C12orf42: variants seen among roughly 807,000 people sequenced by gnomAD.
C12orf42 encodes the protein uncharacterized protein C12orf42.
Under a neutral mutation model 21.6 loss-of-function variants are expected in C12orf42, and 25 were observed. That is an observed-to-expected ratio of 1.16 (90% CI 0.84 to 1.62). The LOEUF (loss-of-function observed/expected upper bound fraction) is 1.62. C12orf42 is among the 40% of genes most tolerant of loss of function. The probability of loss-of-function intolerance (pLI) is 0.00; values close to 1 mark genes in which losing one functional copy is unlikely to be tolerated. For missense variants in C12orf42, 483 were observed against 459.3 expected, an observed-to-expected ratio of 1.05 and a Z score of -0.47; for synonymous variants, 174 against 175.0, an observed-to-expected ratio of 0.99 and a Z score of 0.05.
intron 1 of C12orf42, 75 bp from the exon 2 acceptor site, chr12:103,478,522 C>A (rs753934081): frequency 1.6e-6 from 1 of 609,470 alleles, no homozygotes; most frequent in Non-Finnish European, 2.7e-6. Context: ...AAAATGACAT[C>A]TTTAAGAGCC....
At chr12:103,387,748 C>A (rs1225124153) in intron 3 of C12orf42, among the ~76,000 whole-genome samples, 1 of 152,188 alleles carries the variant, frequency 6.6e-6, no homozygotes, top group Non-Finnish European at 1.5e-5. Flanking sequence ...ATCTCTAATA[C>A]CGAGAACAAT....
chr12:103,087,648 A>G, the C12orf42 span, among the ~76,000 whole-genome samples: 1 of 152,272 alleles, frequency 6.6e-6, no homozygotes, highest in Non-Finnish European at 1.5e-5. Context: ...GCTAAGTGCT[A>G]TACGAAATTA....
intron 2 of C12orf42, chr12:103,471,891 C>T (rs1953642554): frequency 6.6e-6 from 1 of 152,088 alleles, no homozygotes; most frequent in African/African-American, 2.4e-5. Context: ...TAACCTGCTG[C>T]AAATTGATCA....
the C12orf42 span, among the ~76,000 whole-genome samples, chr12:103,524,963 G>GC: frequency 9.3e-6 from 1 of 108,106 alleles, no homozygotes; most frequent in East Asian, 4.3e-4. Flanking sequence ...TAGTTTTTTT[G>GC]GGGGGGGGGC....
the C12orf42 span, among the ~76,000 whole-genome samples, chr12:103,552,555 T>C: frequency 6.6e-6 from 1 of 152,192 alleles, no homozygotes; most frequent in East Asian, 1.9e-4. Context: ...GAAATATCTC[T>C]ATGGGGATCA....
intron 1 of C12orf42, among the ~76,000 whole-genome samples, chr12:103,487,327 T>C (rs1565903037): frequency 6.6e-6 from 1 of 152,216 alleles, no homozygotes; most frequent in East Asian, 1.9e-4. Flanking sequence ...AGACAATTTC[T>C]TGTGATTTCT....
the C12orf42 span, among the ~76,000 whole-genome samples, chr12:103,048,134 A>T: frequency 1.3e-5 from 2 of 151,948 alleles, no homozygotes; most frequent in Admixed American, 1.3e-4. Flanking sequence ...AGGGGAAATG[A>T]GGCCTTGTAA....
the C12orf42 span, among the ~76,000 whole-genome samples, chr12:103,191,867 G>A: frequency 6.6e-6 from 1 of 152,024 alleles, no homozygotes; most frequent in African/African-American, 2.4e-5. Context: ...GTGTGTGGAG[G>A]GAGCAAAAGT....
At chr12:103,165,902 G>A in the C12orf42 span, among the ~76,000 whole-genome samples, 6 of 152,224 alleles carry the variant, frequency 3.9e-5, no homozygotes, top group South Asian at 6.2e-4. Context: ...CTAGCCGGGC[G>A]TGGTGGCGGG....
At chr12:103,093,567 C>G in the C12orf42 span, among the ~76,000 whole-genome samples, 1 of 152,002 alleles carries the variant, frequency 6.6e-6, no homozygotes, top group Admixed American at 6.6e-5. Context: ...GTGAGAGGAA[C>G]AAAGGGGATG....
At chr12:103,394,916 A>C (rs1566229819) in intron 3 of C12orf42, among the ~76,000 whole-genome samples, 1 of 152,248 alleles carries the variant, frequency 6.6e-6, no homozygotes, top group Non-Finnish European at 1.5e-5. Flanking sequence ...AGGTCATTCC[A>C]GGAACAGCAA....
chr12:103,278,161 G>T (rs2035887856), intron 4 of C12orf42, among the ~76,000 whole-genome samples: 1 of 152,044 alleles, frequency 6.6e-6, no homozygotes, highest in Non-Finnish European at 1.5e-5. Flanking sequence ...TTAGAAAAAG[G>T]GTACTCAAAT....
At chr12:103,202,476 T>C in the C12orf42 span, among the ~76,000 whole-genome samples, 1 of 152,184 alleles carries the variant, frequency 6.6e-6, no homozygotes, top group African/African-American at 2.4e-5. Context: ...AGTTAGTATA[T>C]CTCCACTTAA....
intron 4 of C12orf42, among the ~76,000 whole-genome samples, chr12:103,355,992 T>C (rs2043508918): frequency 1.3e-5 from 2 of 152,082 alleles, no homozygotes; most frequent in South Asian, 4.1e-4. Flanking sequence ...AGTTAGATAT[T>C]ATCATGATCC....
the C12orf42 span, among the ~76,000 whole-genome samples, chr12:103,184,086 G>A: frequency 6.6e-6 from 1 of 152,176 alleles, no homozygotes; most frequent in Non-Finnish European, 1.5e-5. Context: ...ATGTTGTTTA[G>A]AGCTTCTATA....
At chr12:103,158,075 C>T in the C12orf42 span, among the ~76,000 whole-genome samples, 1 of 152,090 alleles carries the variant, frequency 6.6e-6, no homozygotes, top group African/African-American at 2.4e-5. Context: ...TATTTTCATT[C>T]TGGTGGTAAG....
At chr12:103,549,661 C>T in the C12orf42 span, 1 of 152,160 alleles carries the variant, frequency 6.6e-6, no homozygotes, top group Admixed American at 6.5e-5. Flanking sequence ...AAAGGTAATG[C>T]TTAAGTGGAT....
At chr12:103,549,214 T>G in the C12orf42 span, among the ~76,000 whole-genome samples, 1 of 152,220 alleles carries the variant, frequency 6.6e-6, no homozygotes, top group South Asian at 2.1e-4. Context: ...GTATACATCT[T>G]TTACAGTACT....
the C12orf42 span, among the ~76,000 whole-genome samples, chr12:103,090,267 G>C: frequency 6.6e-6 from 1 of 152,130 alleles, no homozygotes; most frequent in Non-Finnish European, 1.5e-5. Flanking sequence ...GGCGACACAG[G>C]GGAAGTGAAT....
Sources: allele counts gnomAD v4.1 joint callset (sites outside exome capture counted in the v4.1 genomes callset), GRCh38; gene constraint gnomAD v4.1.1; transcripts MANE v1.5; gene names NCBI Gene and HGNC (gene_info 2026-07-23, HGNC 2026-07-21).